Variants in PSMA8 observed in about 807,000 individuals in gnomAD.
The protein encoded by PSMA8 is proteasome 20S subunit alpha 8.
A neutral mutation model predicts 32.4 loss-of-function variants in PSMA8; 18 were observed. The observed-to-expected ratio is 0.56, with a 90% confidence interval of 0.38 to 0.82. The LOEUF is 0.82. Among genes scored for constraint, PSMA8 ranks in the 40% least tolerant of loss-of-function variants. The pLI is 0.00. For synonymous variants in PSMA8, 104 were observed against 98.1 expected (o/e 1.06, Z -0.36); for missense variants, 298 against 300.7 (o/e 0.99, Z 0.07).
chr18:26,136,568 C>CTCTGCACACTTA (rs1436437370), intron 1 of PSMA8, among the ~76,000 whole-genome samples: 1 of 152,176 alleles, frequency 6.6e-6, no homozygotes, highest in Non-Finnish European at 1.5e-5. Context: ...CTTTAACAAT[C>CTCTGCACACTTA]TCTGCACACT....
chr18:26,182,637 A>G (rs2055320876), intron 6 of PSMA8, among the ~76,000 whole-genome samples: 1 of 152,236 alleles, frequency 6.6e-6, no homozygotes, highest in Non-Finnish European at 1.5e-5. Flanking sequence ...CAGCACATGC[A>G]TCAAGGCGTA....
intron 4 of PSMA8, among the ~76,000 whole-genome samples, chr18:26,159,806 G>A (rs1473319144): frequency 6.6e-6 from 1 of 151,824 alleles, no homozygotes; most frequent in Admixed American, 6.6e-5. Context: ...ATATAAGCAC[G>A]GCGCACTCGC....
chr18:26,156,503 C>T lies in PSMA8; in HGVS notation c.355-1619C>T, dbSNP rs1030948481. 1.1e-4 allele frequency among the ~76,000 whole-genome samples: 17 copies of T among 151,942 alleles called. No homozygotes were observed. In the East Asian group the frequency reaches 1.4e-3, roughly 12 times the overall value. On this transcript the variant is annotated intron_variant, in intron 3 of 6. Transcript: ENST00000415576. Reference sequence around the variant, plus strand: ...TAAAAAAGAATGAAATTCTGTCATTCGTTATAACGTGAATGAGCCTGGAGG... The same window carrying T: ...TAAAAAAGAATGAAATTCTGTCATTTGTTATAACGTGAATGAGCCTGGAGG...
Position 26,153,526 on chromosome 18 carries a change from G to A in PSMA8, c.354+1544G>A, listed in dbSNP as rs952592396. Among the ~76,000 whole-genome samples, 8 of 152,224 alleles carry A rather than the reference G, an allele frequency of 5.3e-5. 1 individual carries two copies. In the South Asian group the frequency reaches 1.7e-3, roughly 32 times the overall value. On this transcript the variant is annotated intron_variant, in intron 3 of 6. Transcript: ENST00000415576. ...CATTGTTCTTTTATTTTGCAAATAA[G>A]TATCACACAGTACTATAATAGTTGT...
At chr18:26,155,109 C>T (rs12955863) in intron 3 of PSMA8, among the ~76,000 whole-genome samples, 3,452 of 152,058 alleles carry the variant, frequency 0.023, 119 homozygotes, top group African/African-American at 0.079. Context: ...GTGGTGCGCA[C>T]CTGTAACCCC....
intron 4 of PSMA8, among the ~76,000 whole-genome samples, chr18:26,162,064 A>G (rs1598655872): frequency 6.6e-6 from 1 of 152,212 alleles, no homozygotes; most frequent in African/African-American, 2.4e-5. Flanking sequence ...CTATATATTT[A>G]TGGTTGTAAA....
chr18:26,170,901 G>A, intron 4 of PSMA8: 1 of 1,559,280 alleles, frequency 6.4e-7, no homozygotes, highest in Non-Finnish European at 8.5e-7. Flanking sequence ...AAGATGGCCT[G>A]GGTGATTCAT....
At chr18:26,185,378 C>T (rs1316218718) in intron 6 of PSMA8, among the ~76,000 whole-genome samples, 1 of 150,690 alleles carries the variant, frequency 6.6e-6, no homozygotes, top group Non-Finnish European at 1.5e-5. Context: ...CTAGATTTTT[C>T]CTGTCCCTCC....
chr18:26,142,622 A>G (rs1331716626), intron 1 of PSMA8, among the ~76,000 whole-genome samples: 1 of 152,200 alleles, frequency 6.6e-6, no homozygotes, highest in African/African-American at 2.4e-5. Context: ...AAAACAAAAG[A>G]CAATAGACAG....
intron 2 of PSMA8, among the ~76,000 whole-genome samples, chr18:26,147,685 C>T (rs1256768124): frequency 1.3e-5 from 2 of 151,720 alleles, no homozygotes; most frequent in Non-Finnish European, 2.9e-5. Context: ...TATTGTAGTG[C>T]TAAATTTGAG....
intron 6 of PSMA8, among the ~76,000 whole-genome samples, chr18:26,186,299 T>A (rs2055354032): frequency 7.1e-6 from 1 of 141,122 alleles, no homozygotes. Flanking sequence ...GCTCTAGAGC[T>A]ACCCTAGTTC....
At chr18:26,185,292 G>A (rs73405483) in intron 6 of PSMA8, among the ~76,000 whole-genome samples, 1,560 of 150,308 alleles carry the variant, frequency 0.01, 103 homozygotes, top group African/African-American at 0.036. Flanking sequence ...ACAAGAAATC[G>A]TTTTTTCTCA....
chr18:26,140,569 A>AC (rs2054947823), intron 1 of PSMA8, among the ~76,000 whole-genome samples: 1 of 152,192 alleles, frequency 6.6e-6, no homozygotes. Context: ...TTCTGCTGGG[A>AC]CATGGGCATG....
intron 1 of PSMA8, among the ~76,000 whole-genome samples, chr18:26,137,540 C>G (rs1426220303): frequency 6.6e-6 from 1 of 152,178 alleles, no homozygotes; most frequent in African/African-American, 2.4e-5. Context: ...TAAACAGAAT[C>G]TAGTTCACAG....
intron 5 of PSMA8, 31 bp downstream of exon 5, chr18:26,178,980 A>G (rs764373016): frequency 6.2e-7 from 1 of 1,605,520 alleles, no homozygotes; most frequent in Non-Finnish European, 8.5e-7. Context: ...TATTCAGGAA[A>G]TCATGAATTT....
At chr18:26,149,037 C>T (rs1384378563) in intron 2 of PSMA8, among the ~76,000 whole-genome samples, 1 of 152,002 alleles carries the variant, frequency 6.6e-6, no homozygotes, top group African/African-American at 2.4e-5. Flanking sequence ...GAGACAGGAT[C>T]TCACTATGTT....
intron 1 of PSMA8, 94 bp downstream of exon 1, chr18:26,134,161 T>C: frequency 2.4e-6 from 2 of 841,604 alleles, no homozygotes; most frequent in East Asian, 2.5e-5. Flanking sequence ...TCCTAGGAGC[T>C]CAAGAGAGGA....
intron 6 of PSMA8, among the ~76,000 whole-genome samples, chr18:26,179,432 G>A (rs1195681617): frequency 6.6e-6 from 1 of 151,940 alleles, no homozygotes; most frequent in Non-Finnish European, 1.5e-5. Flanking sequence ...CAGTCGTCCT[G>A]TCTACTGATT....
intron 1 of PSMA8, among the ~76,000 whole-genome samples, chr18:26,140,652 G>A (rs1254918514): frequency 1.3e-5 from 2 of 152,102 alleles, no homozygotes; most frequent in Non-Finnish European, 2.9e-5. Context: ...CATAAATGAG[G>A]AATTATTGGT....
Sources: gnomAD v4.1 joint callset for allele counts (sites outside exome capture counted in the v4.1 genomes callset) on GRCh38, gnomAD v4.1.1 for gene constraint, MANE v1.5 for transcripts, NCBI Gene and HGNC (gene_info 2026-07-23, HGNC 2026-07-21) for gene names.